The following SHISA9 variants were observed in gnomAD, a reference collection of about 807,000 sequenced individuals.
SHISA9 encodes shisa family member 9.
A neutral mutation model predicts 38.0 loss-of-function variants in SHISA9; 13 were observed. That is an observed-to-expected ratio of 0.34 (90% CI 0.22 to 0.54). SHISA9 has a LOEUF of 0.54. SHISA9 is among the 20% of genes least tolerant of loss of function. The probability of loss-of-function intolerance (pLI) is 0.91; values close to 1 mark genes in which losing one functional copy is unlikely to be tolerated. For synonymous variants in SHISA9, 275 were observed against 242.0 expected, an observed-to-expected ratio of 1.14 and a Z score of -1.27; for missense variants, 538 against 575.8, an observed-to-expected ratio of 0.93 and a Z score of 0.67.
chr16:13,400,861 T>G, the SHISA9 span, among the ~76,000 whole-genome samples: 1 of 152,308 alleles, frequency 6.6e-6, no homozygotes, highest in East Asian at 1.9e-4. Flanking sequence ...GACACTAACT[T>G]CTTTCAACTC....
the SHISA9 span, among the ~76,000 whole-genome samples, chr16:13,503,724 C>G: frequency 6.6e-6 from 1 of 151,826 alleles, no homozygotes; most frequent in Non-Finnish European, 1.5e-5. Context: ...TAACCCACCA[C>G]AGATTCATCC....
chr16:12,991,320 C>T (rs1182515290), intron 2 of SHISA9, among the ~76,000 whole-genome samples: 1 of 152,132 alleles, frequency 6.6e-6, no homozygotes, highest in East Asian at 1.9e-4. Context: ...GCAAAACTTA[C>T]TGAACATTGT....
intron 2 of SHISA9, among the ~76,000 whole-genome samples, chr16:12,952,683 C>G (rs907563278): frequency 2.0e-5 from 3 of 152,148 alleles, no homozygotes; most frequent in Admixed American, 6.5e-5. Flanking sequence ...GTGGCACTTC[C>G]TCCTTCACTC....
At chr16:12,966,507 A>C (rs1249349890) in intron 2 of SHISA9, among the ~76,000 whole-genome samples, 7 of 152,150 alleles carry the variant, frequency 4.6e-5, no homozygotes, top group Non-Finnish European at 8.8e-5. Flanking sequence ...TTCCTGCCTC[A>C]GCCTCCCAAA....
At chr16:13,194,461 T>G (rs979498382) in intron 2 of SHISA9, among the ~76,000 whole-genome samples, 4 of 152,338 alleles carry the variant, frequency 2.6e-5, no homozygotes, top group African/African-American at 9.6e-5. Context: ...GTGCCTTGGT[T>G]TTCTCCTCTA....
chr16:13,516,133 C>A, the SHISA9 span, among the ~76,000 whole-genome samples: 2 of 152,170 alleles, frequency 1.3e-5, no homozygotes, highest in African/African-American at 2.4e-5. Context: ...GGAAGTGTCT[C>A]GTCCAAGCTG....
At chr16:13,489,669 C>G in the SHISA9 span, among the ~76,000 whole-genome samples, 1 of 152,184 alleles carries the variant, frequency 6.6e-6, no homozygotes, top group African/African-American at 2.4e-5. Context: ...TGAGACATCC[C>G]CAGCCATGTG....
intron 2 of SHISA9, among the ~76,000 whole-genome samples, chr16:12,979,638 A>T (rs1053366966): frequency 6.6e-6 from 1 of 152,056 alleles, no homozygotes; most frequent in East Asian, 1.9e-4. Context: ...TTTATGGTGT[A>T]TCATGCTGTA....
intron 2 of SHISA9, among the ~76,000 whole-genome samples, chr16:13,165,741 G>C (rs548883612): frequency 6.6e-6 from 1 of 152,320 alleles, no homozygotes; most frequent in South Asian, 2.1e-4. Flanking sequence ...ATCACGTGCT[G>C]ATCAGTGAGT....
At chr16:13,486,343 A>G in the SHISA9 span, among the ~76,000 whole-genome samples, 1 of 152,208 alleles carries the variant, frequency 6.6e-6, no homozygotes, top group Admixed American at 6.5e-5. Context: ...GAAGTCCTTG[A>G]TTCCAATTAG....
At chr16:13,431,799 G>A in the SHISA9 span, among the ~76,000 whole-genome samples, 17 of 152,298 alleles carry the variant, frequency 1.1e-4, no homozygotes, top group South Asian at 1.0e-3. Context: ...AGTGGCTCAC[G>A]TCTGTAATCC....
At chr16:13,561,484 C>G in the SHISA9 span, among the ~76,000 whole-genome samples, 1 of 152,230 alleles carries the variant, frequency 6.6e-6, no homozygotes, top group Admixed American at 6.5e-5. Context: ...GGGCAGGAAC[C>G]TCTCCATGTT....
chr16:13,558,264 C>T, the SHISA9 span, among the ~76,000 whole-genome samples: 1 of 152,184 alleles, frequency 6.6e-6, no homozygotes, highest in East Asian at 1.9e-4. Flanking sequence ...TCCTTTCTAG[C>T]ATTCACATCC....
intron 2 of SHISA9, among the ~76,000 whole-genome samples, chr16:12,944,928 T>C (rs752930641): frequency 1.1e-4 from 16 of 152,140 alleles, no homozygotes; most frequent in Non-Finnish European, 2.2e-4. Flanking sequence ...CAAGGGTGTG[T>C]CATCCAGTTA....
chr16:13,064,009 C>T (rs574550026), intron 2 of SHISA9, among the ~76,000 whole-genome samples: 17 of 152,252 alleles, frequency 1.1e-4, no homozygotes, highest in African/African-American at 3.4e-4. Flanking sequence ...ACCAGAGGCC[C>T]GTGGCTCTTC....
chr16:13,123,366 T>G (rs2050230461), intron 2 of SHISA9, among the ~76,000 whole-genome samples: 1 of 152,238 alleles, frequency 6.6e-6, no homozygotes, highest in Non-Finnish European at 1.5e-5. Context: ...GCAAGAAGAT[T>G]AAATCTTGAG....
intron 2 of SHISA9, among the ~76,000 whole-genome samples, chr16:12,933,624 T>G (rs1179021499): frequency 6.6e-6 from 1 of 152,208 alleles, no homozygotes; most frequent in East Asian, 1.9e-4. Flanking sequence ...TATCCTTGAT[T>G]TAAAAAACAT....
chr16:13,315,814 C>T, the SHISA9 span, among the ~76,000 whole-genome samples: 2 of 152,062 alleles, frequency 1.3e-5, no homozygotes, highest in African/African-American at 4.8e-5. Context: ...AGGAGGGTCA[C>T]ACATTTAAGA....
At chr16:13,270,122 C>T in the SHISA9 span, among the ~76,000 whole-genome samples, 3 of 152,162 alleles carry the variant, frequency 2.0e-5, no homozygotes, top group South Asian at 2.1e-4. Flanking sequence ...CCTTGCTCAC[C>T]GGACTCCAAC....
Sources: allele counts gnomAD v4.1 joint callset (sites outside exome capture counted in the v4.1 genomes callset), GRCh38; gene constraint gnomAD v4.1.1; transcripts MANE v1.5; gene names NCBI Gene and HGNC (gene_info 2026-07-23, HGNC 2026-07-21).